The following INPPL1 variants were observed in gnomAD, a reference collection of about 807,000 sequenced individuals.
The protein encoded by INPPL1 is phosphatidylinositol 3,4,5-trisphosphate 5-phosphatase 2.
In INPPL1, 91 loss-of-function variants were observed where a neutral mutation model predicts 139.3. That is an observed-to-expected ratio of 0.65 (90% CI 0.55 to 0.78). The LOEUF is 0.78. Ranked by LOEUF, INPPL1 falls within the 30% of genes least tolerant of loss-of-function variation. The pLI is 0.00. For synonymous variants in INPPL1, 719 were observed against 686.6 expected, an observed-to-expected ratio of 1.05 and a Z score of -0.74; for missense variants, 1,411 against 1,665.6, an observed-to-expected ratio of 0.85 and a Z score of 2.66.
chr11:72,232,135 G>A, intron 13 of INPPL1, 105 bp from the exon 14 acceptor site: 2 of 890,384 alleles, frequency 2.2e-6, no homozygotes, highest in Admixed American at 2.1e-5. Context: ...AGCGTCTGGT[G>A]GGCTCAGCGG....
Position 72,238,129 on chromosome 11 carries a change from G to C in INPPL1, c.3640G>C (p.Glu1214Gln). Residue 1214 changes from glutamate to glutamine, a missense_variant, in exon 27 of 28, where the codon GAG (glutamate) becomes CAG (glutamine). Physicochemically the swap from Glu to Gln is conservative, Grantham distance 29. Coordinates refer to ENST00000298229, the MANE Select transcript of INPPL1 (RefSeq NM_001567.4). ...WLRAIGLERYEEGLVHNGWDD... is the reference protein window; with the variant it reads ...WLRAIGLERYQEGLVHNGWDD... ...GCGGGCCATCGGCTTGGAGCGCTAT[G>C]AGGAGGGCCTGGTGCATAATGGCTG... The C allele has an allele frequency of 6.3e-7, 1 of 1,586,308 alleles. No individual in the cohort carries two copies.
Position 72,228,311 on chromosome 11 carries a change from C to T in INPPL1, c.247-37C>T, listed in dbSNP as rs751712397. On this transcript the variant is annotated intron_variant, in intron 2 of 27. Transcript: ENST00000298229. The surrounding 1 kb of genome is among the most constrained non-coding windows in gnomAD (Gnocchi z 5.0). ...ATCCAGCCTAGGGCTTGGGGACCTG[C>T]TGGCTGACCCTTCCTCCCACCCTTG... The T allele has an allele frequency of 6.2e-7, 1 of 1,614,018 alleles. No homozygotes were observed. Among genetic ancestry groups the T allele is most frequent in the Non-Finnish European group, 8.5e-7 (1 of 1,179,938 alleles).
rs907876462 is a variant in INPPL1 at position 72,238,705 on chromosome 11, C to G, written c.*352C>G. 2 of 175,484 alleles carry G rather than the reference C, an allele frequency of 1.1e-5. No individual in the cohort carries two copies. Among genetic ancestry groups the G allele is most frequent in the Non-Finnish European group, 2.4e-5 (2 of 83,470 alleles). 10.9% of individuals were successfully genotyped at this position (175,484 alleles called of 1,614,324 possible). A position where few individuals can be genotyped will look rare whatever the true frequency, so the allele number is the denominator to read the frequency against. ...TCTGGGCCCCCACTTTCACCAGTTTCTGCGGCCTTCCACCGGGCCTGAACC... is the reference window on the plus strand; with the variant it reads ...TCTGGGCCCCCACTTTCACCAGTTTGTGCGGCCTTCCACCGGGCCTGAACC... On this transcript the variant is annotated 3_prime_UTR_variant, in exon 28 of 28. Transcript: ENST00000298229.
chr11:72,228,469 C>T lies in INPPL1; in HGVS notation c.368C>T (p.Pro123Leu), dbSNP rs139756712. The T allele has an allele frequency of 1.1e-4, 179 of 1,609,328 alleles. 2 individuals are homozygous for T. The African/African-American group carries it at 1.8e-3, about 16-fold the overall frequency. Residue 123 changes from proline (P) to leucine (L), a missense_variant, in exon 3 of 28, where the codon CCG becomes CTG. This residue lies in a region of INPPL1 where 504 missense variants were observed against 595.6 expected (regional missense o/e 0.85). Transcript: ENST00000298229. This position sits in a 1 kb window ranked among gnomAD's most constrained non-coding sequence, Gnocchi z 5.0. ...CTTCCTGTAGAGGGTGAGCGAGAGC[C>T]GGACCCACCGGATGACCGGGATGCC... ...LLLPVEGEREPDPPDDRDASD... is the reference protein window; with the variant it reads ...LLLPVEGERELDPPDDRDASD...
In INPPL1 at chr11:72,228,260, G is replaced by A; in HGVS notation, c.246+7G>A. Reference sequence around the variant, plus strand: ...AGATTTCTTGGCTGTGCAGGTAGGAGCTTGGGCCCCTGACCCCTGACCTTG... The same window carrying A: ...AGATTTCTTGGCTGTGCAGGTAGGAACTTGGGCCCCTGACCCCTGACCTTG... On this transcript the variant is annotated splice_region_variant and intron_variant, in intron 2 of 27. Transcript: ENST00000298229. The surrounding 1 kb of genome is among the most constrained non-coding windows in gnomAD (Gnocchi z 5.0). 6.2e-7 allele frequency: 1 copy of A among 1,613,950 alleles called. No individual in the cohort carries two copies. The highest frequency in any genetic ancestry group is 8.5e-7 in the Non-Finnish European group (1 of 1,179,854).
In INPPL1 at chr11:72,238,113, C is replaced by A; in HGVS notation, c.3624C>A (p.Ile1208=). The A allele has an allele frequency of 6.3e-7, 1 of 1,576,852 alleles. No homozygotes were observed. Among genetic ancestry groups the A allele is most frequent in the Non-Finnish European group, 8.6e-7 (1 of 1,161,448 alleles). ...EAGMSAWLRA[I]GLERYEEGLV... ...GCATGAGTGCCTGGCTGCGGGCCAT[C>A]GGCTTGGAGCGCTATGAGGAGGGCC... is the stretch of plus-strand genomic sequence containing the variant. The change falls in exon 27 of 28, where the codon ATC becomes ATA. Residue 1208 remains isoleucine, a synonymous_variant. Coordinates refer to ENST00000298229, the MANE Select transcript of INPPL1 (RefSeq NM_001567.4).
rs1345928725 is a variant in INPPL1, at chr11:72,238,805, A to C, written c.*452A>C. 6.5e-6 allele frequency: 1 copy of C among 153,008 alleles called. No homozygotes were observed. The highest frequency in any genetic ancestry group is 1.9e-4 in the East Asian group (1 of 5,208). The allele number at this position is 153,008 out of a possible 1,614,324, so 9.5% of individuals were successfully genotyped here. On this transcript the variant is annotated 3_prime_UTR_variant, in exon 28 of 28. Coordinates refer to ENST00000298229, the MANE Select transcript of INPPL1 (RefSeq NM_001567.4). ...GCGGGTGTCCGTCCGGAAATGAAGG[A>C]ATAGCCCGAGGACCGGGCTGGGGTT...
upstream of INPPL1, chr11:72,224,748 C>T (rs1044382345): frequency 1.1e-4 from 18 of 165,284 alleles, no homozygotes; most frequent in Non-Finnish European, 2.2e-4. Context: ...CCTCCCCCGC[C>T]GCCTCTGAAC....
intron 13 of INPPL1, 93 bp from the exon 14 acceptor site, chr11:72,232,147 A>G: frequency 1.0e-6 from 1 of 995,250 alleles, no homozygotes; most frequent in Non-Finnish European, 1.6e-6. Context: ...GCTCAGCGGG[A>G]GGATCCTCTC....
chr11:72,232,289 T>G lies in INPPL1; in HGVS notation c.1665T>G (p.Phe555Leu). 6.4e-7 allele frequency: 1 copy of G among 1,556,512 alleles called. No homozygotes were observed. Among genetic ancestry groups the G allele is most frequent in the Middle Eastern group, 1.7e-4 (1 of 5,994 alleles). Reference sequence around the variant, plus strand: ...CCTTCATGTTTAATGGCACCTCATTTGGCTTTGTGAATTGTCACCTCACCT... The same window carrying G: ...CCTTCATGTTTAATGGCACCTCATTGGGCTTTGTGAATTGTCACCTCACCT... ...GVSFMFNGTS[F>L]GFVNCHLTSG... Residue 555 changes from phenylalanine (F) to leucine (L), a missense_variant, in exon 14 of 28, where the codon TTT (phenylalanine) becomes TTG (leucine). Physicochemically the swap from Phe to Leu is conservative, Grantham distance 22. Transcript: ENST00000298229.
At chr11:72,236,212 A>G (rs1417179413) in intron 25 of INPPL1, among the ~76,000 whole-genome samples, 1 of 152,232 alleles carries the variant, frequency 6.6e-6, no homozygotes, top group East Asian at 1.9e-4. Flanking sequence ...TTCTGCCTTT[A>G]AAAATGGAAT....
chr11:72,236,778 A>G (rs10751199), intron 25 of INPPL1, among the ~76,000 whole-genome samples: 50,938 of 152,030 alleles, frequency 0.34, 10,523 homozygotes, highest in African/African-American at 0.59. Flanking sequence ...TGGGTGCCTC[A>G]AGAGGCTTTC....
rs760670618 is a variant in INPPL1, at chr11:72,235,879, C to T, written c.2772C>T (p.Ala924=). 1.2e-6 allele frequency: 2 copies of T among 1,613,378 alleles called. No homozygotes were observed. Among genetic ancestry groups the T allele is most frequent in the Admixed American group, 1.7e-5 (1 of 59,998 alleles). ...GCCGCAAGCCAGCCTTCACAGAGGC[C>T]TCCTGCCCGCTCTCCAGGTTATTTG... is the stretch of plus-strand genomic sequence containing the variant. ...SGSRKPAFTE[A]SCPLSRLFEE... Residue 924 remains alanine, a synonymous_variant, in exon 25 of 28, where the codon GCC becomes GCT. Coordinates refer to ENST00000298229, the MANE Select transcript of INPPL1 (RefSeq NM_001567.4). This position sits in a 1 kb window ranked among gnomAD's most constrained non-coding sequence, Gnocchi z 4.9.
rs756201014 is a variant in INPPL1, at chr11:72,228,332, C to A, written c.247-16C>A. On this transcript the variant is annotated splice_polypyrimidine_tract_variant and intron_variant, in intron 2 of 27. Coordinates refer to ENST00000298229, the MANE Select transcript of INPPL1 (RefSeq NM_001567.4). The surrounding 1 kb of genome is among the most constrained non-coding windows in gnomAD (Gnocchi z 5.0). ...CCTGCTGGCTGACCCTTCCTCCCAC[C>A]CTTGCTGGCCCACAGACCTCGCAGG... 1 of 1,613,916 alleles carries A rather than the reference C, an allele frequency of 6.2e-7. No individual in the cohort carries two copies.
rs754598493 is a variant in INPPL1 at position 72,235,254 on chromosome 11, A to G, written c.2504-42A>G. The G allele has an allele frequency of 1.9e-6, 3 of 1,613,802 alleles. No homozygotes were observed. The highest frequency in any genetic ancestry group is 2.5e-6 in the Non-Finnish European group (3 of 1,179,846). ...AACAGGAAGCCAGACAGGGCCCTAG[A>G]TTAGCTTGGTAATTTGCTGGTTTGT... On this transcript the variant is annotated intron_variant, in intron 22 of 27. Transcript: ENST00000298229. The surrounding 1 kb of genome is among the most constrained non-coding windows in gnomAD (Gnocchi z 4.9).
intron 13 of INPPL1, among the ~76,000 whole-genome samples, 173 bp from the exon 14 acceptor site, chr11:72,232,067 A>G (rs1948849998): frequency 6.6e-6 from 1 of 152,048 alleles, no homozygotes. Context: ...GTGCCCAATG[A>G]GGACCCCCCC....
In INPPL1 at chr11:72,234,715, CAGAGAGAG is replaced by C; in HGVS notation, c.2415+111_2415+118del. 1 of 614,794 alleles carries C rather than the reference CAGAGAGAG, an allele frequency of 1.6e-6. No individual in the cohort carries two copies. The highest frequency in any genetic ancestry group is 2.8e-6 in the Non-Finnish European group (1 of 353,496). 38.1% of individuals were successfully genotyped at this position (614,794 alleles called of 1,614,324 possible). A position where few individuals can be genotyped will look rare whatever the true frequency, so the allele number is the denominator to read the frequency against. On this transcript the variant is annotated intron_variant, in intron 21 of 27. Transcript: ENST00000298229. This position sits in a 1 kb window ranked among gnomAD's most constrained non-coding sequence, Gnocchi z 4.2. ...TGCCTGGGAGGGAGTGTGGGGCCAG[CAGAGAGAG>C]AGAGAGAGAGTGTGTGTGTGTGTGT...
intron 1 of INPPL1, 40 bp downstream of exon 1, chr11:72,225,206 G>T (rs767121666): frequency 1.1e-6 from 1 of 946,510 alleles, no homozygotes; most frequent in South Asian, 4.4e-5. Context: ...GGCGTGGACC[G>T]GGAGCGCGGG....
intron 26 of INPPL1, 67 bp downstream of exon 26, chr11:72,237,863 A>T (rs1253750250): frequency 1.3e-6 from 2 of 1,512,356 alleles, no homozygotes; most frequent in African/African-American, 2.8e-5. Flanking sequence ...GTACCCTTTC[A>T]CTCCACCATT....
Sources: allele counts gnomAD v4.1 joint callset (sites outside exome capture counted in the v4.1 genomes callset), GRCh38; gene constraint gnomAD v4.1.1; regional missense constraint gnomAD v4.1.1; non-coding constraint Gnocchi (gnomAD v3.1); transcripts MANE v1.5; gene names NCBI Gene and HGNC (gene_info 2026-07-23, HGNC 2026-07-21).